Variants in UPP2 observed in about 807,000 individuals in gnomAD.
The protein encoded by UPP2 is UPase 2.
In UPP2, 23 loss-of-function variants were observed where a neutral mutation model predicts 26.7. The observed-to-expected ratio is 0.86, with a 90% confidence interval of 0.62 to 1.22. The LOEUF (loss-of-function observed/expected upper bound fraction) is 1.22. Among genes scored for constraint, UPP2 ranks in the 50% most tolerant of loss-of-function variants. UPP2 has a pLI of 0.00. For synonymous variants in UPP2, 127 were observed against 141.3 expected (o/e 0.90, Z 0.72); for missense variants, 387 against 396.7 (o/e 0.98, Z 0.21).
At chr2:158,070,787 T>C (rs1682526275) in intron 3 of UPP2, among the ~76,000 whole-genome samples, 1 of 152,172 alleles carries the variant, frequency 6.6e-6, no homozygotes. Flanking sequence ...TAGGACACAG[T>C]CTTGAATCAC....
intron 3 of UPP2, among the ~76,000 whole-genome samples, chr2:158,077,356 C>T (rs763839855): frequency 6.6e-5 from 10 of 152,032 alleles, no homozygotes; most frequent in Non-Finnish European, 1.3e-4. Context: ...ACAAAAAGAA[C>T]AAAACTGGAG....
At chr2:158,095,597 A>G (rs1004418534) in intron 3 of UPP2, among the ~76,000 whole-genome samples, 2 of 152,150 alleles carry the variant, frequency 1.3e-5, no homozygotes, top group Non-Finnish European at 2.9e-5. Context: ...TTTACTCACT[A>G]TAGGATCTCA....
At chr2:158,083,043 AAGTC>A (rs1682753004) in intron 3 of UPP2, among the ~76,000 whole-genome samples, 3 of 152,242 alleles carry the variant, frequency 2.0e-5, no homozygotes, top group South Asian at 4.1e-4. Flanking sequence ...GATTATTAAA[AAGTC>A]AGGAAACAAC....
chr2:158,012,263 C>CTT (rs34807293), intron 2 of UPP2, among the ~76,000 whole-genome samples: 3,996 of 81,348 alleles, frequency 0.049, 84 homozygotes, highest in Non-Finnish European at 0.069. Flanking sequence ...TTGTTTCTAC[C>CTT]TTTTTTTTTT....
intron 2 of UPP2, chr2:158,015,752 C>T (rs1468192283): frequency 4.4e-6 from 2 of 452,336 alleles, no homozygotes; most frequent in Non-Finnish European, 8.8e-6. Context: ...AAGTGTGTGG[C>T]ACTTACCCCT....
At chr2:158,036,046 C>T (rs917468043) in intron 3 of UPP2, among the ~76,000 whole-genome samples, 6 of 152,062 alleles carry the variant, frequency 3.9e-5, no homozygotes, top group East Asian at 1.9e-4. Context: ...GTAGAAGGGT[C>T]GTGAATGTAG....
At chr2:158,010,938 G>C (rs1015285930) in intron 2 of UPP2, among the ~76,000 whole-genome samples, 2 of 151,876 alleles carry the variant, frequency 1.3e-5, no homozygotes, top group Non-Finnish European at 2.9e-5. Flanking sequence ...GCTGATTTTT[G>C]TATTTTTAGT....
chr2:158,102,936 C>A (rs916455203), intron 1 of UPP2, among the ~76,000 whole-genome samples: 3 of 152,162 alleles, frequency 2.0e-5, no homozygotes, highest in African/African-American at 7.2e-5. Context: ...GCTCAGCCAG[C>A]ACTTTCTTTT....
intron 3 of UPP2, among the ~76,000 whole-genome samples, chr2:158,080,894 C>T (rs1247170176): frequency 6.6e-6 from 1 of 152,138 alleles, no homozygotes; most frequent in African/African-American, 2.4e-5. Flanking sequence ...GAGGAAAGAT[C>T]TCCAGAAACC....
chr2:158,046,268 C>T (rs1684151513), intron 3 of UPP2, among the ~76,000 whole-genome samples: 1 of 152,154 alleles, frequency 6.6e-6, no homozygotes, highest in Non-Finnish European at 1.5e-5. Flanking sequence ...AACCTCATCG[C>T]CAGAGTGTAT....
chr2:158,046,321 A>C (rs1319545713), intron 3 of UPP2, among the ~76,000 whole-genome samples: 1 of 152,236 alleles, frequency 6.6e-6, no homozygotes, highest in South Asian at 2.1e-4. Context: ...AATATGATCC[A>C]TCATGACATC....
At chr2:158,063,821 C>T (rs1682392312) in intron 3 of UPP2, among the ~76,000 whole-genome samples, 2 of 152,090 alleles carry the variant, frequency 1.3e-5, no homozygotes, top group South Asian at 4.1e-4. Context: ...TGTTCAACTC[C>T]CACTTATGAG....
chr2:158,080,819 T>C (rs991389793), intron 3 of UPP2, among the ~76,000 whole-genome samples: 1 of 152,146 alleles, frequency 6.6e-6, no homozygotes, highest in Non-Finnish European at 1.5e-5. Context: ...TTAGAATTAG[T>C]GTGGAACATC....
chr2:158,074,425 G>A (rs1021223608), intron 3 of UPP2, among the ~76,000 whole-genome samples: 1 of 152,050 alleles, frequency 6.6e-6, no homozygotes, highest in African/African-American at 2.4e-5. Flanking sequence ...TAAAAAGCTG[G>A]GGGATAAAGT....
intron 6 of UPP2, among the ~76,000 whole-genome samples, chr2:158,128,994 A>G (rs1683750774): frequency 6.6e-6 from 1 of 152,148 alleles, no homozygotes; most frequent in South Asian, 2.1e-4. Flanking sequence ...TTTTACAGGG[A>G]CAAGATTTTT....
chr2:157,999,816 T>C (rs1479300885), intron 2 of UPP2, among the ~76,000 whole-genome samples: 2 of 152,092 alleles, frequency 1.3e-5, no homozygotes, highest in Admixed American at 6.6e-5. Flanking sequence ...TATTTTTATT[T>C]TGGGATGCTA....
upstream of UPP2, among the ~76,000 whole-genome samples, chr2:158,098,695 GA>G (rs111815086): frequency 0.023 from 3,571 of 152,284 alleles, 118 homozygotes; most frequent in African/African-American, 0.081. Flanking sequence ...GCACAAGGAA[GA>G]AATTGGATGA....
At chr2:158,071,033 T>A (rs1395607941) in intron 3 of UPP2, among the ~76,000 whole-genome samples, 2 of 152,134 alleles carry the variant, frequency 1.3e-5, no homozygotes, top group Non-Finnish European at 2.9e-5. Flanking sequence ...GACTTGAGTT[T>A]CTCTGCAAGC....
chr2:158,049,010 G>A (rs1440072213), intron 3 of UPP2, among the ~76,000 whole-genome samples: 1 of 152,208 alleles, frequency 6.6e-6, no homozygotes, highest in Non-Finnish European at 1.5e-5. Context: ...GGCACCCAGT[G>A]CAGTGGGTGT....
Sources: gnomAD v4.1 joint callset for allele counts (sites outside exome capture counted in the v4.1 genomes callset) on GRCh38, gnomAD v4.1.1 for gene constraint, MANE v1.5 for transcripts, NCBI Gene and HGNC (gene_info 2026-07-23, HGNC 2026-07-21) for gene names.